The following MYO1E variants were observed in gnomAD, a reference collection of about 807,000 sequenced individuals.
MYO1E encodes unconventional myosin-Ie.
In MYO1E, 68 loss-of-function variants were observed where a neutral mutation model predicts 151.1. That is an observed-to-expected ratio of 0.45 (90% CI 0.37 to 0.55). MYO1E has a LOEUF of 0.55. MYO1E is among the 20% of genes least tolerant of loss of function. The probability of loss-of-function intolerance (pLI) is 0.00; values close to 1 mark genes in which losing one functional copy is unlikely to be tolerated. For synonymous variants in MYO1E, 601 were observed against 501.7 expected, an observed-to-expected ratio of 1.20 and a Z score of -2.64; for missense variants, 1,363 against 1,389.3, an observed-to-expected ratio of 0.98 and a Z score of 0.30.
intron 26 of MYO1E, among the ~76,000 whole-genome samples, chr15:59,141,797 C>CA (rs753344067): frequency 0.13 from 5,979 of 44,540 alleles, 444 homozygotes; most frequent in African/African-American, 0.21. Context: ...GACTTTGTCT[C>CA]AAAAAAAAAA....
intron 26 of MYO1E, among the ~76,000 whole-genome samples, chr15:59,149,072 T>C (rs112198840): frequency 1.5e-5 from 2 of 134,234 alleles, no homozygotes; most frequent in Non-Finnish European, 3.2e-5. Flanking sequence ...TTTTTTTTTT[T>C]TTGAGACAGA....
At chr15:59,230,110 TATCA>T (rs1221928637) in intron 6 of MYO1E, among the ~76,000 whole-genome samples, 1 of 152,140 alleles carries the variant, frequency 6.6e-6, no homozygotes, top group Non-Finnish European at 1.5e-5. Flanking sequence ...TCTCGATTAT[TATCA>T]ATCAACTTAA....
intron 19 of MYO1E, 79 bp downstream of exon 19, chr15:59,178,314 G>C: frequency 6.5e-7 from 1 of 1,540,262 alleles, no homozygotes; most frequent in Non-Finnish European, 8.9e-7. Flanking sequence ...ATGAGAAAAA[G>C]AAGCCAGCTG....
intron 6 of MYO1E, 46 bp downstream of exon 6, chr15:59,231,656 A>G (rs2080028684): frequency 6.3e-7 from 1 of 1,585,138 alleles, no homozygotes; most frequent in Non-Finnish European, 8.7e-7. Flanking sequence ...AGAAGCATCA[A>G]CATCATCAAT....
chr15:59,213,193 C>T (rs1214672010), intron 12 of MYO1E, among the ~76,000 whole-genome samples: 8 of 148,652 alleles, frequency 5.4e-5, no homozygotes, highest in African/African-American at 7.5e-5. Context: ...TATTTTGAGA[C>T]GAAGTCTCGC....
chr15:59,224,666 C>A (rs1596373907), intron 8 of MYO1E, 23 bp downstream of exon 8: 5 of 1,614,086 alleles, frequency 3.1e-6, no homozygotes, highest in Non-Finnish European at 3.4e-6. Flanking sequence ...GCAGATCCTG[C>A]CTGGCCCTGC....
chr15:59,314,303 G>GA (rs1393825342), intron 1 of MYO1E, among the ~76,000 whole-genome samples: 2 of 152,202 alleles, frequency 1.3e-5, no homozygotes, highest in African/African-American at 4.8e-5. Flanking sequence ...ATAAACTTGA[G>GA]AAAACAGATT....
intron 1 of MYO1E, among the ~76,000 whole-genome samples, chr15:59,293,557 A>C (rs1207811847): frequency 6.6e-6 from 1 of 151,896 alleles, no homozygotes; most frequent in Non-Finnish European, 1.5e-5. Context: ...AAAAAAAAAC[A>C]AAATAAAATA....
chr15:59,236,734 T>C, intron 4 of MYO1E, 62 bp from the exon 5 acceptor site: 1 of 1,357,260 alleles, frequency 7.4e-7, no homozygotes, highest in Non-Finnish European at 1.1e-6. Flanking sequence ...CCCTTCCTTG[T>C]CTCCCCCATC....
intron 24 of MYO1E, among the ~76,000 whole-genome samples, chr15:59,160,016 T>C (rs1224962070): frequency 6.6e-6 from 1 of 152,096 alleles, no homozygotes; most frequent in African/African-American, 2.4e-5. Context: ...GGCTAGTTTT[T>C]TGTATTTAGT....
rs1447831270 is a variant in MYO1E at position 59,134,292 on chromosome 15, G to A, written c.*3088C>T. On this transcript the variant is annotated 3_prime_UTR_variant, in exon 28 of 28. Coordinates refer to ENST00000288235, the MANE Select transcript of MYO1E (RefSeq NM_004998.4). Reference sequence around the variant, plus strand: ...GGTCAGTGGGTTGGCATCCTTCATGGTTGGGGAGCAAGCTTATTCAAGAAG... The same window carrying A: ...GGTCAGTGGGTTGGCATCCTTCATGATTGGGGAGCAAGCTTATTCAAGAAG... 6.6e-6 allele frequency: 1 copy of A among 152,334 alleles called. No homozygotes were observed. Among genetic ancestry groups the A allele is most frequent in the Non-Finnish European group, 1.5e-5 (1 of 68,074 alleles). 9.4% of individuals were successfully genotyped at this position (152,334 alleles called of 1,614,324 possible). A position where few individuals can be genotyped will look rare whatever the true frequency, so the allele number is the denominator to read the frequency against.
chr15:59,202,050 G>C (rs889594161), intron 16 of MYO1E, among the ~76,000 whole-genome samples: 1 of 152,192 alleles, frequency 6.6e-6, no homozygotes, highest in Non-Finnish European at 1.5e-5. Context: ...TCCAGGTTCT[G>C]TTTAAAGCCA....
chr15:59,221,423 C>T (rs754024194), intron 9 of MYO1E, among the ~76,000 whole-genome samples: 17 of 152,048 alleles, frequency 1.1e-4, no homozygotes, highest in African/African-American at 3.1e-4. Flanking sequence ...GAACACACAT[C>T]CTTTAAAGGG....
intron 1 of MYO1E, among the ~76,000 whole-genome samples, chr15:59,297,902 C>T (rs1440364952): frequency 6.6e-6 from 1 of 152,130 alleles, no homozygotes; most frequent in Non-Finnish European, 1.5e-5. Context: ...ACATTTTAAA[C>T]AGTTCAGGCA....
At chr15:59,355,139 T>G (rs1418842321) in intron 1 of MYO1E, among the ~76,000 whole-genome samples, 1 of 152,164 alleles carries the variant, frequency 6.6e-6, no homozygotes, top group African/African-American at 2.4e-5. Context: ...TTCAGCAAAG[T>G]TGCCAATTCT....
intron 6 of MYO1E, among the ~76,000 whole-genome samples, chr15:59,228,889 C>T (rs2080007876): frequency 6.6e-6 from 1 of 152,188 alleles, no homozygotes; most frequent in African/African-American, 2.4e-5. Context: ...TCAAGAAAGA[C>T]CACCGAAGGC....
At chr15:59,293,920 G>A (rs912718721) in intron 1 of MYO1E, among the ~76,000 whole-genome samples, 22 of 152,252 alleles carry the variant, frequency 1.4e-4, no homozygotes, top group East Asian at 3.9e-4. Flanking sequence ...GCGCATGCCT[G>A]TGGTCCCTGC....
chr15:59,251,492 G>T (rs769986999), intron 4 of MYO1E, among the ~76,000 whole-genome samples: 2 of 152,180 alleles, frequency 1.3e-5, no homozygotes, highest in Non-Finnish European at 2.9e-5. Context: ...AGCAGAAAAG[G>T]ACGTTTGCGA....
chr15:59,239,229 T>A (rs1351411350), intron 4 of MYO1E, among the ~76,000 whole-genome samples: 58 of 101,736 alleles, frequency 5.7e-4, no homozygotes, highest in East Asian at 1.4e-3. Context: ...TATATATTTT[T>A]TTTATTTTTT....
Sources: allele counts gnomAD v4.1 joint callset (sites outside exome capture counted in the v4.1 genomes callset), GRCh38; gene constraint gnomAD v4.1.1; transcripts MANE v1.5; gene names NCBI Gene and HGNC (gene_info 2026-07-23, HGNC 2026-07-21).